IRAK1BP1: variants seen among roughly 807,000 people sequenced by gnomAD.
The protein encoded by IRAK1BP1 is interleukin-1 receptor-associated kinase 1-binding protein 1.
In IRAK1BP1, 24 loss-of-function variants were observed where a neutral mutation model predicts 28.0. The ratio of observed to expected loss-of-function variants is 0.86; its 90% confidence interval spans 0.62 to 1.20. The LOEUF (loss-of-function observed/expected upper bound fraction) is 1.20. Among genes scored for constraint, IRAK1BP1 ranks in the 50% most tolerant of loss-of-function variants. IRAK1BP1 has a pLI of 0.00. For synonymous variants in IRAK1BP1, 131 were observed against 116.3 expected (o/e 1.13, Z -0.81); for missense variants, 336 against 316.7 (o/e 1.06, Z -0.46).
At chr6:78,915,573 T>C (rs1229508137) in intron 4 of IRAK1BP1, among the ~76,000 whole-genome samples, 1 of 152,178 alleles carries the variant, frequency 6.6e-6, no homozygotes, top group Non-Finnish European at 1.5e-5. Context: ...AGTTGGTGCA[T>C]ACCTGGGAGA....
At position 78,893,312 on chromosome 6, in the gene IRAK1BP1, G is replaced by GTATATA. The variant is rs1188973498; in HGVS notation, c.382-4516_382-4515insATATAT. On this transcript the variant is annotated intron_variant, in intron 2 of 3. Coordinates refer to ENST00000369940, the MANE Select transcript of IRAK1BP1 (RefSeq NM_001010844.4). ...TATATATGTGTGTGTGTGTGTGTGT[G>GTATATA]TGTATATATATATATATATATATAT... Among the ~76,000 whole-genome samples the GTATATA allele has an allele frequency of 1.1e-3, 72 of 64,162 alleles. No homozygotes were observed. The East Asian group carries it at 0.021, about 19-fold the overall frequency. The allele number at this position is 64,162 out of a possible 152,430, so 42.1% of individuals were successfully genotyped here. A position where few individuals can be genotyped will look rare whatever the true frequency, so the allele number is the denominator to read the frequency against.
downstream of IRAK1BP1, among the ~76,000 whole-genome samples, chr6:78,947,395 C>T (rs930536966): frequency 6.6e-6 from 1 of 152,154 alleles, no homozygotes; most frequent in Non-Finnish European, 1.5e-5. Context: ...TTGCATCAAC[C>T]GCACTACTTC....
chr6:78,878,769 T>A (rs1416912140), intron 1 of IRAK1BP1, among the ~76,000 whole-genome samples: 1 of 152,098 alleles, frequency 6.6e-6, no homozygotes, highest in Non-Finnish European at 1.5e-5. Flanking sequence ...ATTAGATGAA[T>A]GGCTAACTAG....
At chr6:78,883,879 C>T (rs1195614603) in intron 1 of IRAK1BP1, among the ~76,000 whole-genome samples, 1 of 152,046 alleles carries the variant, frequency 6.6e-6, no homozygotes, top group African/African-American at 2.4e-5. Flanking sequence ...GTGCTACCTA[C>T]CCATTAGTCA....
the IRAK1BP1 span, chr6:78,958,748 A>G: frequency 8.0e-6 from 5 of 621,332 alleles, no homozygotes; most frequent in African/African-American, 1.9e-5. Context: ...TCAAAGCAGC[A>G]TAACTGCATT....
the IRAK1BP1 span, chr6:78,955,644 G>T: frequency 1.8e-6 from 2 of 1,091,648 alleles, no homozygotes; most frequent in Non-Finnish European, 2.8e-6. Context: ...CTTCTTCATT[G>T]AATTATAAAG....
At chr6:78,930,085 A>G (rs897313133) in intron 4 of IRAK1BP1, among the ~76,000 whole-genome samples, 1 of 152,074 alleles carries the variant, frequency 6.6e-6, no homozygotes, top group African/African-American at 2.4e-5. Flanking sequence ...AGAGGCATGT[A>G]CCACCATGCC....
downstream of IRAK1BP1, among the ~76,000 whole-genome samples, chr6:78,907,961 G>T (rs181869194): frequency 9.9e-5 from 15 of 151,296 alleles, no homozygotes; most frequent in Admixed American, 3.3e-4. Context: ...CTCTTGATCC[G>T]CCCGCCTCAG....
chr6:78,923,478 T>C (rs1772800309), intron 4 of IRAK1BP1, among the ~76,000 whole-genome samples: 1 of 152,138 alleles, frequency 6.6e-6, no homozygotes, highest in African/African-American at 2.4e-5. Flanking sequence ...TGGGAGACTT[T>C]AACACCCCAC....
intron 4 of IRAK1BP1, among the ~76,000 whole-genome samples, chr6:78,908,971 G>A (rs759356126): frequency 6.6e-6 from 1 of 152,170 alleles, no homozygotes; most frequent in Non-Finnish European, 1.5e-5. Flanking sequence ...TTGATGATTT[G>A]TCAGCCAGCC....
chr6:78,911,191 C>T (rs1188420730), intron 4 of IRAK1BP1, among the ~76,000 whole-genome samples: 1 of 152,080 alleles, frequency 6.6e-6, no homozygotes, highest in Non-Finnish European at 1.5e-5. Flanking sequence ...CCACCTCCCC[C>T]GCAAATTACC....
intron 4 of IRAK1BP1, chr6:78,936,543 T>C (rs1214108647): frequency 6.6e-6 from 1 of 151,900 alleles, no homozygotes; most frequent in Non-Finnish European, 1.5e-5. Flanking sequence ...GCTCCTTGAA[T>C]TGTAGAAACT....
At chr6:78,875,129 A>G (rs1369453890) in intron 1 of IRAK1BP1, among the ~76,000 whole-genome samples, 3 of 152,246 alleles carry the variant, frequency 2.0e-5, no homozygotes, top group South Asian at 2.1e-4. Flanking sequence ...ACACATGGAA[A>G]AGTGCTCAGC....
chr6:78,947,108 T>C (rs1053946272), downstream of IRAK1BP1, among the ~76,000 whole-genome samples: 7 of 152,166 alleles, frequency 4.6e-5, no homozygotes, highest in African/African-American at 1.7e-4. Context: ...TAAAGAAAAG[T>C]CCGACTCTAA....
At chr6:78,959,237 T>C in the IRAK1BP1 span, among the ~76,000 whole-genome samples, 4 of 152,126 alleles carry the variant, frequency 2.6e-5, no homozygotes, top group Non-Finnish European at 5.9e-5. Context: ...GAATATTATC[T>C]AATATGTGGC....
At chr6:78,945,303 G>C (rs1331670757) in intron 4 of IRAK1BP1, 2 of 1,599,634 alleles carry the variant, frequency 1.3e-6, no homozygotes, top group Admixed American at 1.7e-5. Flanking sequence ...ACCTTACCTT[G>C]CTCAATGACA....
the IRAK1BP1 span, chr6:78,969,931 G>T: frequency 1.3e-6 from 2 of 1,575,232 alleles, no homozygotes; most frequent in Non-Finnish European, 1.7e-6. Flanking sequence ...ATTACAAACA[G>T]AAACAAATTG....
the IRAK1BP1 span, among the ~76,000 whole-genome samples, chr6:78,953,167 C>A: frequency 6.6e-6 from 1 of 151,886 alleles, no homozygotes; most frequent in African/African-American, 2.4e-5. Flanking sequence ...AGGAAAATTT[C>A]TCCTCTCTGA....
At chr6:78,972,006 C>A in the IRAK1BP1 span, among the ~76,000 whole-genome samples, 2 of 151,960 alleles carry the variant, frequency 1.3e-5, no homozygotes, top group East Asian at 3.9e-4. Context: ...CCGGGAAGCT[C>A]GAACTGGGTG....
Sources: allele counts gnomAD v4.1 joint callset (sites outside exome capture counted in the v4.1 genomes callset), GRCh38; gene constraint gnomAD v4.1.1; transcripts MANE v1.5; gene names NCBI Gene and HGNC (gene_info 2026-07-23, HGNC 2026-07-21).